THSD7B: variants seen among roughly 807,000 people sequenced by gnomAD.
The protein encoded by THSD7B is thrombospondin type-1 domain-containing protein 7B.
Under a neutral mutation model 213.6 loss-of-function variants are expected in THSD7B, and 138 were observed. The observed-to-expected ratio is 0.65, with a 90% CI of 0.56 to 0.74. The LOEUF is 0.74. Ranked by LOEUF, THSD7B falls within the 30% of genes least tolerant of loss-of-function variation. THSD7B has a pLI of 0.00. For missense variants in THSD7B, 1,931 were observed against 1,991.5 expected (o/e 0.97, Z 0.58); for synonymous variants, 742 against 687.0 (o/e 1.08, Z -1.25).
At chr2:137,637,439 G>A (rs115523962) in intron 20 of THSD7B, among the ~76,000 whole-genome samples, 2,963 of 152,234 alleles carry the variant, frequency 0.019, 44 homozygotes, top group Middle Eastern at 0.071. Context: ...GTACTTATTA[G>A]CAATAGTTTT....
intron 15 of THSD7B, among the ~76,000 whole-genome samples, chr2:137,462,407 C>G (rs958621749): frequency 5.3e-5 from 8 of 152,038 alleles, no homozygotes; most frequent in African/African-American, 4.8e-5. Context: ...TGTGTGGGCT[C>G]TAGACTAACT....
At chr2:137,491,839 G>A (rs1358761280) in intron 15 of THSD7B, among the ~76,000 whole-genome samples, 1 of 152,164 alleles carries the variant, frequency 6.6e-6, no homozygotes, top group East Asian at 1.9e-4. Flanking sequence ...GAATTAAATT[G>A]TTCCTAGTTT....
intron 15 of THSD7B, among the ~76,000 whole-genome samples, chr2:137,489,420 C>CA (rs113418344): frequency 0.04 from 5,085 of 125,940 alleles, 298 homozygotes; most frequent in African/African-American, 0.14. Context: ...GACTCCATCT[C>CA]AAAAAAAAAA....
At chr2:136,888,903 T>C (rs1338641566) in intron 2 of THSD7B, among the ~76,000 whole-genome samples, 2 of 151,804 alleles carry the variant, frequency 1.3e-5, no homozygotes, top group Non-Finnish European at 2.9e-5. Context: ...ATGAAAAATA[T>C]CCCCAGCACA....
chr2:136,978,163 A>G (rs1260411818), intron 2 of THSD7B, among the ~76,000 whole-genome samples: 1 of 152,210 alleles, frequency 6.6e-6, no homozygotes, highest in African/African-American at 2.4e-5. Context: ...ACTGTTTGTT[A>G]TGATTTCAGT....
chr2:136,935,896 A>G (rs904703459), intron 2 of THSD7B, among the ~76,000 whole-genome samples: 6 of 148,150 alleles, frequency 4.0e-5, no homozygotes, highest in Non-Finnish European at 4.5e-5. Context: ...TACATATAAT[A>G]TAGTTATAAT....
intron 2 of THSD7B, among the ~76,000 whole-genome samples, chr2:136,984,837 G>A (rs1364869732): frequency 1.3e-5 from 2 of 152,120 alleles, no homozygotes; most frequent in African/African-American, 2.4e-5. Context: ...AATGGACAGC[G>A]AAGGCCAGGC....
At chr2:136,771,639 T>C (rs1243938169) in intron 1 of THSD7B, among the ~76,000 whole-genome samples, 5 of 152,176 alleles carry the variant, frequency 3.3e-5, no homozygotes. Context: ...CACTGAGCTT[T>C]CACTGATGAT....
At chr2:137,493,069 C>T (rs543960939) in intron 15 of THSD7B, among the ~76,000 whole-genome samples, 5 of 119,122 alleles carry the variant, frequency 4.2e-5, no homozygotes, top group South Asian at 2.9e-4. Flanking sequence ...TGCAATGAGC[C>T]GAAATTGCAC....
chr2:137,647,315 T>C (rs1683051724), intron 21 of THSD7B, among the ~76,000 whole-genome samples: 1 of 152,162 alleles, frequency 6.6e-6, no homozygotes, highest in African/African-American at 2.4e-5. Flanking sequence ...GACTGTCATC[T>C]AATAATGGAT....
chr2:136,911,571 C>A (rs539871528), intron 2 of THSD7B, among the ~76,000 whole-genome samples: 1 of 152,318 alleles, frequency 6.6e-6, no homozygotes, highest in Admixed American at 6.5e-5. Flanking sequence ...TAGCTTTCTT[C>A]ATACTAAAAA....
At chr2:137,162,270 A>G (rs572887453) in intron 6 of THSD7B, among the ~76,000 whole-genome samples, 1 of 152,060 alleles carries the variant, frequency 6.6e-6, no homozygotes, top group Non-Finnish European at 1.5e-5. Flanking sequence ...TTTTCTCTAT[A>G]TTAGGTTCAA....
chr2:137,145,806 G>T (rs1214622795), intron 5 of THSD7B, among the ~76,000 whole-genome samples: 3 of 152,020 alleles, frequency 2.0e-5, no homozygotes, highest in Non-Finnish European at 2.9e-5. Context: ...TTAGAAATAT[G>T]TAATAACGCT....
chr2:137,559,956 A>G (rs1461921584), intron 15 of THSD7B, among the ~76,000 whole-genome samples: 5 of 152,242 alleles, frequency 3.3e-5, no homozygotes, highest in Non-Finnish European at 5.9e-5. Flanking sequence ...AGACACATCA[A>G]AAAATGCTCA....
chr2:137,175,148 A>G (rs1465225127), intron 7 of THSD7B, among the ~76,000 whole-genome samples: 1 of 152,176 alleles, frequency 6.6e-6, no homozygotes, highest in Admixed American at 6.6e-5. Context: ...TCATGTGCCC[A>G]CAATGCAAAG....
At chr2:137,298,346 G>A (rs868765007) in intron 12 of THSD7B, among the ~76,000 whole-genome samples, 2 of 152,096 alleles carry the variant, frequency 1.3e-5, no homozygotes, top group Non-Finnish European at 2.9e-5. Flanking sequence ...CTTGGGTGCC[G>A]TTAAAAGCAT....
Position 137,196,402 on chromosome 2 carries a change from T to C in THSD7B, c.1723+25464T>C, listed in dbSNP as rs1487240010. ...TTTTTTTTTTTTTTTTTTTTTTTTTTTGTGGCTGCCGTTTCGCAGCTAATC... is the reference window on the plus strand; with the variant it reads ...TTTTTTTTTTTTTTTTTTTTTTTTTCTGTGGCTGCCGTTTCGCAGCTAATC... On this transcript the variant is annotated intron_variant, in intron 7 of 27. Transcript: ENST00000409968. 1.3e-4 allele frequency among the ~76,000 whole-genome samples: 7 copies of C among 53,850 alleles called. No individual in the cohort carries two copies. The South Asian group carries it at 4.7e-3, about 36-fold the overall frequency. The allele number at this position is 53,850 out of a possible 152,430, so 35.3% of individuals were successfully genotyped here.
chr2:137,240,800 C>G (rs1243821524), intron 9 of THSD7B, among the ~76,000 whole-genome samples: 2 of 152,164 alleles, frequency 1.3e-5, no homozygotes, highest in Admixed American at 6.5e-5. Flanking sequence ...CTAGTTTCTC[C>G]TCTTAACATT....
intron 2 of THSD7B, among the ~76,000 whole-genome samples, chr2:136,964,729 G>T (rs114786542): frequency 0.016 from 2,478 of 152,142 alleles, 34 homozygotes; most frequent in Middle Eastern, 0.02. Context: ...TTAGCTGGGC[G>T]TGGTGGCTCA....
Sources: gnomAD v4.1 joint callset for allele counts (sites outside exome capture counted in the v4.1 genomes callset) on GRCh38, gnomAD v4.1.1 for gene constraint, MANE v1.5 for transcripts, NCBI Gene and HGNC (gene_info 2026-07-23, HGNC 2026-07-21) for gene names.